Variants in ENOX1 observed in about 807,000 individuals in gnomAD.
The protein encoded by ENOX1 is ecto-NOX disulfide-thiol exchanger 1.
A neutral mutation model predicts 82.5 loss-of-function variants in ENOX1; 42 were observed. The observed-to-expected ratio is 0.51, with a 90% CI of 0.40 to 0.66. ENOX1 has a LOEUF of 0.66. Among genes scored for constraint, ENOX1 ranks in the 30% least tolerant of loss-of-function variants. The pLI is 0.00. For synonymous variants in ENOX1, 271 were observed against 282.2 expected, an observed-to-expected ratio of 0.96 and a Z score of 0.40; for missense variants, 608 against 811.6, an observed-to-expected ratio of 0.75 and a Z score of 3.05.
At chr13:43,740,434 A>G (rs1732770984) in intron 1 of ENOX1, among the ~76,000 whole-genome samples, 1 of 152,064 alleles carries the variant, frequency 6.6e-6, no homozygotes, top group Admixed American at 6.6e-5. Context: ...TAGTATATTC[A>G]CAGAGTTGTA....
chr13:43,551,955 G>A (rs1189558745), intron 2 of ENOX1, among the ~76,000 whole-genome samples: 1 of 152,070 alleles, frequency 6.6e-6, no homozygotes, highest in Non-Finnish European at 1.5e-5. Context: ...GAGGAGCTGG[G>A]TTTCGTTCTC....
intron 14 of ENOX1, among the ~76,000 whole-genome samples, chr13:43,248,075 C>CG (rs1370871202): frequency 5.4e-5 from 8 of 149,368 alleles, no homozygotes; most frequent in Non-Finnish European, 1.0e-4. Context: ...TTAGTAGAGA[C>CG]GGGGTTTCAC....
chr13:43,596,366 T>A (rs2081473725), intron 2 of ENOX1, among the ~76,000 whole-genome samples: 1 of 152,226 alleles, frequency 6.6e-6, no homozygotes, highest in African/African-American at 2.4e-5. Flanking sequence ...TCATAGGAAA[T>A]AATACTCATA....
chr13:43,493,880 G>A (rs1459604825), intron 2 of ENOX1, among the ~76,000 whole-genome samples: 1 of 152,210 alleles, frequency 6.6e-6, no homozygotes, highest in Non-Finnish European at 1.5e-5. Flanking sequence ...AAAGGAAACA[G>A]GTTTAACTGA....
At chr13:43,711,286 A>G (rs530001811) in intron 1 of ENOX1, among the ~76,000 whole-genome samples, 3 of 152,148 alleles carry the variant, frequency 2.0e-5, no homozygotes, top group African/African-American at 4.8e-5. Context: ...TCCATGGTGT[A>G]TATGTGCCAC....
chr13:43,293,333 C>T (rs1485468626), intron 12 of ENOX1, among the ~76,000 whole-genome samples: 1 of 152,144 alleles, frequency 6.6e-6, no homozygotes, highest in Admixed American at 6.5e-5. Flanking sequence ...GCCATCTTCA[C>T]CACCATAGTT....
At chr13:43,701,587 T>C (rs2086910549) in intron 1 of ENOX1, among the ~76,000 whole-genome samples, 1 of 152,182 alleles carries the variant, frequency 6.6e-6, no homozygotes, top group Non-Finnish European at 1.5e-5. Context: ...CATGTTTTTA[T>C]ATGTTTCATA....
chr13:43,533,867 C>T (rs1212114999), intron 2 of ENOX1, among the ~76,000 whole-genome samples: 7 of 152,066 alleles, frequency 4.6e-5, no homozygotes, highest in Admixed American at 2.0e-4. Flanking sequence ...GTTATGGAGG[C>T]GTTTGAGCAC....
At chr13:43,278,001 T>C (rs944677403) in intron 12 of ENOX1, among the ~76,000 whole-genome samples, 2 of 152,004 alleles carry the variant, frequency 1.3e-5, no homozygotes, top group Non-Finnish European at 2.9e-5. Flanking sequence ...GTGTAGGAGT[T>C]AAGCAGGTAC....
At chr13:43,251,663 G>C (rs750107040) in intron 14 of ENOX1, among the ~76,000 whole-genome samples, 32 of 152,136 alleles carry the variant, frequency 2.1e-4, no homozygotes, top group Non-Finnish European at 4.4e-4. Flanking sequence ...GGCAGAATTT[G>C]CATTGCAGAC....
At chr13:43,323,878 T>C (rs77310619) in intron 10 of ENOX1, among the ~76,000 whole-genome samples, 107 of 152,306 alleles carry the variant, frequency 7.0e-4, no homozygotes, top group African/African-American at 2.5e-3. Flanking sequence ...AACTACAGCA[T>C]GATGGAGAGG....
intron 2 of ENOX1, among the ~76,000 whole-genome samples, chr13:43,563,473 A>G (rs1171030155): frequency 6.6e-6 from 1 of 152,108 alleles, no homozygotes; most frequent in African/African-American, 2.4e-5. Context: ...TTAGTTAACT[A>G]GAAAAGGAAG....
At chr13:43,321,173 T>C in intron 11 of ENOX1, 1 of 456,226 alleles carries the variant, frequency 2.2e-6, no homozygotes, top group South Asian at 1.5e-5. Context: ...AACTTTGGCA[T>C]GCATCAGAAT....
chr13:43,457,261 C>T (rs1279965668), intron 3 of ENOX1, among the ~76,000 whole-genome samples: 1 of 152,064 alleles, frequency 6.6e-6, no homozygotes, highest in African/African-American at 2.4e-5. Flanking sequence ...TTATGAGTTA[C>T]TTGGACAAAC....
At chr13:43,785,515 C>T (rs1952518573) in intron 1 of ENOX1, among the ~76,000 whole-genome samples, 1 of 152,166 alleles carries the variant, frequency 6.6e-6, no homozygotes, top group Admixed American at 6.5e-5. Flanking sequence ...ATTGCTACCA[C>T]CAAACAAATG....
intron 2 of ENOX1, among the ~76,000 whole-genome samples, chr13:43,495,759 C>CA (rs2076771924): frequency 2.1e-5 from 3 of 141,760 alleles, no homozygotes; most frequent in African/African-American, 7.5e-5. Context: ...CACTAGTTTT[C>CA]AAAAAAATCC....
chr13:43,770,010 T>A (rs1951497926), intron 1 of ENOX1, among the ~76,000 whole-genome samples: 1 of 152,176 alleles, frequency 6.6e-6, no homozygotes, highest in African/African-American at 2.4e-5. Context: ...TTTACCCAAA[T>A]GAGATAATTG....
At chr13:43,413,145 T>C (rs550428664) in intron 3 of ENOX1, among the ~76,000 whole-genome samples, 157 bp from the exon 4 acceptor site, 212 of 152,328 alleles carry the variant, frequency 1.4e-3, no homozygotes, top group Non-Finnish European at 1.5e-3. Flanking sequence ...AGCGGCTGTC[T>C]TGTGGCTCAG....
At chr13:43,372,358 G>A (rs2051298097) in intron 5 of ENOX1, among the ~76,000 whole-genome samples, 1 of 152,190 alleles carries the variant, frequency 6.6e-6, no homozygotes, top group Non-Finnish European at 1.5e-5. Context: ...GTCTTTGAAT[G>A]CTTGTTAATA....
Sources: allele counts gnomAD v4.1 joint callset (sites outside exome capture counted in the v4.1 genomes callset), GRCh38; gene constraint gnomAD v4.1.1; transcripts MANE v1.5; gene names NCBI Gene and HGNC (gene_info 2026-07-23, HGNC 2026-07-21).